RARB: variants seen among roughly 807,000 people sequenced by gnomAD.
RARB encodes HBV-activated protein.
In RARB, 17 loss-of-function variants were observed where a neutral mutation model predicts 51.9. The observed-to-expected ratio is 0.33, with a 90% CI of 0.22 to 0.49. The LOEUF (loss-of-function observed/expected upper bound fraction) is 0.49. Ranked by LOEUF, RARB falls within the 20% of genes least tolerant of loss-of-function variation. The pLI is 0.99. For missense variants in RARB, 369 were observed against 550.8 expected (o/e 0.67, Z 3.30); for synonymous variants, 215 against 195.4 (o/e 1.10, Z -0.84).
At chr3:25,345,362 G>A (rs968584130) in intron 5 of RARB, among the ~76,000 whole-genome samples, 1 of 152,100 alleles carries the variant, frequency 6.6e-6, no homozygotes, top group Non-Finnish European at 1.5e-5. Context: ...GGCAAATAGA[G>A]TTAAACTATA....
intron 2 of RARB, among the ~76,000 whole-genome samples, chr3:24,949,888 C>T (rs1695852643): frequency 6.6e-6 from 1 of 152,152 alleles, no homozygotes; most frequent in Admixed American, 6.5e-5. Context: ...AAATACTAGC[C>T]TACATTGGCA....
chr3:25,195,634 T>C (rs1041426853), intron 5 of RARB, among the ~76,000 whole-genome samples: 2 of 151,996 alleles, frequency 1.3e-5, no homozygotes, highest in Non-Finnish European at 2.9e-5. Flanking sequence ...AGAACAAAGG[T>C]GCATTGAAAA....
At chr3:24,869,815 T>A (rs191626828) in intron 2 of RARB, among the ~76,000 whole-genome samples, 1 of 152,256 alleles carries the variant, frequency 6.6e-6, no homozygotes, top group African/African-American at 2.4e-5. Context: ...AATTTTGTGT[T>A]AATCATTCCC....
chr3:25,280,254 T>C (rs1703490413), intron 5 of RARB, among the ~76,000 whole-genome samples: 1 of 152,172 alleles, frequency 6.6e-6, no homozygotes, highest in Admixed American at 6.5e-5. Context: ...TTCAGATTCT[T>C]TTCTCTGACC....
intron 5 of RARB, among the ~76,000 whole-genome samples, chr3:25,256,319 C>T (rs1350058718): frequency 6.6e-6 from 1 of 152,140 alleles, no homozygotes; most frequent in Admixed American, 6.6e-5. Flanking sequence ...ATCTGAAGAA[C>T]ACACTGTTAC....
At chr3:25,299,389 A>G (rs1386535113) in intron 5 of RARB, among the ~76,000 whole-genome samples, 1 of 152,110 alleles carries the variant, frequency 6.6e-6, no homozygotes, top group Non-Finnish European at 1.5e-5. Context: ...TTGTAGAGAA[A>G]GAGTCTCACC....
chr3:25,468,857 C>T (rs1309966205), intron 2 of RARB, among the ~76,000 whole-genome samples: 1 of 152,172 alleles, frequency 6.6e-6, no homozygotes, highest in African/African-American at 2.4e-5. Flanking sequence ...TACATTTTGC[C>T]TTTGATGGGT....
At chr3:25,153,392 C>T (rs141585935) in intron 4 of RARB, among the ~76,000 whole-genome samples, 3 of 152,098 alleles carry the variant, frequency 2.0e-5, no homozygotes, top group East Asian at 1.9e-4. Flanking sequence ...TCATTCCTTA[C>T]GAAGGACATG....
chr3:25,421,158 A>G (rs1486041757), intron 5 of RARB, among the ~76,000 whole-genome samples: 1 of 151,974 alleles, frequency 6.6e-6, no homozygotes, highest in Non-Finnish European at 1.5e-5. Context: ...TATAAATATA[A>G]AAATGCTTCA....
At chr3:25,576,061 T>C (rs1312804237) in intron 4 of RARB, among the ~76,000 whole-genome samples, 2 of 145,506 alleles carry the variant, frequency 1.4e-5, no homozygotes, top group East Asian at 2.0e-4. Context: ...TCCTCAGTGA[T>C]GGAATAAGGG....
chr3:25,576,800 A>G (rs1043290140), intron 4 of RARB, among the ~76,000 whole-genome samples: 9 of 152,180 alleles, frequency 5.9e-5, no homozygotes, highest in Non-Finnish European at 1.2e-4. Context: ...GTGGCTGCCA[A>G]GCTGCCTTCT....
chr3:25,154,797 G>T (rs986957680), intron 4 of RARB, among the ~76,000 whole-genome samples: 3 of 152,138 alleles, frequency 2.0e-5, no homozygotes, highest in Non-Finnish European at 2.9e-5. Context: ...CCAGTCCTTT[G>T]TTGGCTAGGT....
At chr3:25,033,590 A>C (rs1373180828) in intron 2 of RARB, among the ~76,000 whole-genome samples, 2 of 152,142 alleles carry the variant, frequency 1.3e-5, no homozygotes, top group East Asian at 3.9e-4. Flanking sequence ...TTATGTTGAC[A>C]ATCAGGTCAA....
At chr3:25,488,839 C>A (rs1241070361) in intron 2 of RARB, among the ~76,000 whole-genome samples, 1 of 152,202 alleles carries the variant, frequency 6.6e-6, no homozygotes, top group Non-Finnish European at 1.5e-5. Flanking sequence ...GGTCCCCCTA[C>A]ATCCATTAGG....
chr3:25,008,744 T>C (rs1697330252), intron 2 of RARB, among the ~76,000 whole-genome samples: 1 of 152,034 alleles, frequency 6.6e-6, no homozygotes, highest in African/African-American at 2.4e-5. Context: ...ACCTTCCCTA[T>C]CTCCTCAACC....
intron 1 of RARB, among the ~76,000 whole-genome samples, chr3:25,451,945 G>A (rs1709212314): frequency 6.6e-6 from 1 of 152,184 alleles, no homozygotes; most frequent in African/African-American, 2.4e-5. Context: ...CCCGATAGAA[G>A]ATAGAAGTGA....
At chr3:25,294,838 A>G (rs940473638) in intron 5 of RARB, among the ~76,000 whole-genome samples, 18 of 152,232 alleles carry the variant, frequency 1.2e-4, no homozygotes, top group Admixed American at 9.2e-4. Flanking sequence ...AGGAAGAGGA[A>G]AAATCACCAG....
At chr3:24,902,933 C>T (rs12631746) in intron 2 of RARB, among the ~76,000 whole-genome samples, 3,685 of 152,044 alleles carry the variant, frequency 0.024, 164 homozygotes, top group East Asian at 0.17. Flanking sequence ...TCTTTATATT[C>T]GTAAGGGTGT....
At chr3:25,114,574 A>G (rs1378523821) in intron 3 of RARB, among the ~76,000 whole-genome samples, 1 of 152,190 alleles carries the variant, frequency 6.6e-6, no homozygotes, top group Non-Finnish European at 1.5e-5. Flanking sequence ...TATTTGTAAA[A>G]TCGGGATCCA....
Sources: gnomAD v4.1 joint callset for allele counts (sites outside exome capture counted in the v4.1 genomes callset) on GRCh38, gnomAD v4.1.1 for gene constraint, MANE v1.5 for transcripts, NCBI Gene and HGNC (gene_info 2026-07-23, HGNC 2026-07-21) for gene names.